The following GALNTL6 variants were observed in gnomAD, a reference collection of about 807,000 sequenced individuals.
GALNTL6 encodes the protein polypeptide N-acetylgalactosaminyltransferase like 6, also known as polypeptide N-acetylgalactosaminyltransferase-like 6.
In GALNTL6, 46 loss-of-function variants were observed where a neutral mutation model predicts 73.7. The ratio of observed to expected loss-of-function variants is 0.62; its 90% CI spans 0.49 to 0.80. The LOEUF (loss-of-function observed/expected upper bound fraction) is 0.80. Among genes scored for constraint, GALNTL6 ranks in the 30% least tolerant of loss-of-function variants. The pLI is 0.00. For synonymous variants in GALNTL6, 259 were observed against 263.7 expected, an observed-to-expected ratio of 0.98 and a Z score of 0.17; for missense variants, 604 against 755.0, an observed-to-expected ratio of 0.80 and a Z score of 2.34.
At position 172,900,042 on chromosome 4, in the gene GALNTL6, A is replaced by C. The variant is rs1746541052; in HGVS notation, c.1041+17135A>C. ...AGACTTCCCATATCATCCTGTGACT[A>C]AGAATGCCTTAACCTCCTAGGAATG... On this transcript the variant is annotated intron_variant, in intron 8 of 12. Coordinates refer to ENST00000506823, the MANE Select transcript of GALNTL6 (RefSeq NM_001034845.3). Among the ~76,000 whole-genome samples, 4 of 152,254 alleles carry C rather than the reference A, an allele frequency of 2.6e-5. No homozygotes were observed. The South Asian group carries it at 8.3e-4, about 32-fold the overall frequency.
chr4:172,513,680 C>T (rs935343318), intron 5 of GALNTL6, among the ~76,000 whole-genome samples: 2 of 152,168 alleles, frequency 1.3e-5, no homozygotes, highest in East Asian at 1.9e-4. Flanking sequence ...TGATATTTCT[C>T]TTCTGGGTCT....
rs1410506952 is a variant in GALNTL6 at position 172,473,177 on chromosome 4, C to T, written c.553+124488C>T. Among the ~76,000 whole-genome samples, 6 of 152,302 alleles carry T rather than the reference C, an allele frequency of 3.9e-5. No individual in the cohort carries two copies. In the South Asian group the frequency reaches 6.2e-4, roughly 16 times the overall value. On this transcript the variant is annotated intron_variant, in intron 5 of 12. Coordinates refer to ENST00000506823, the MANE Select transcript of GALNTL6 (RefSeq NM_001034845.3). ...TGTGCTACCATTGAAGGCCAATCTACGCACTATCCCAGGCCATCTTGCCTA... is the reference window on the plus strand; with the variant it reads ...TGTGCTACCATTGAAGGCCAATCTATGCACTATCCCAGGCCATCTTGCCTA...
At chr4:172,295,389 T>G (rs1326236884) in intron 3 of GALNTL6, among the ~76,000 whole-genome samples, 1 of 148,912 alleles carries the variant, frequency 6.7e-6, no homozygotes, top group African/African-American at 2.5e-5. Context: ...ACCACTGCAC[T>G]CGAGCCTGGG....
chr4:172,561,230 G>A (rs1000629113), intron 5 of GALNTL6, among the ~76,000 whole-genome samples: 13 of 139,914 alleles, frequency 9.3e-5, no homozygotes, highest in African/African-American at 2.4e-4. Flanking sequence ...TCCGCAGTCC[G>A]GCCTGGGCGA....
intron 5 of GALNTL6, among the ~76,000 whole-genome samples, chr4:172,399,558 G>A (rs72988249): frequency 0.042 from 6,423 of 151,880 alleles, 418 homozygotes; most frequent in African/African-American, 0.14. Context: ...TCATTTTCAG[G>A]CCCCCATACT....
At chr4:172,449,231 C>T (rs1482720807) in intron 5 of GALNTL6, among the ~76,000 whole-genome samples, 2 of 152,142 alleles carry the variant, frequency 1.3e-5, no homozygotes, top group East Asian at 1.9e-4. Context: ...CAACCAGTAC[C>T]TCTTACCTTC....
At chr4:172,217,893 A>G (rs950195635) in intron 2 of GALNTL6, among the ~76,000 whole-genome samples, 6 of 152,180 alleles carry the variant, frequency 3.9e-5, no homozygotes, top group Non-Finnish European at 8.8e-5. Context: ...TGTTTACTGT[A>G]GGTTTAGGTA....
chr4:172,733,604 C>T (rs1462603878), intron 5 of GALNTL6, among the ~76,000 whole-genome samples: 1 of 152,088 alleles, frequency 6.6e-6, no homozygotes, highest in Non-Finnish European at 1.5e-5. Context: ...CCATGCTGTT[C>T]TCATGATAGT....
intron 5 of GALNTL6, among the ~76,000 whole-genome samples, chr4:172,466,903 AT>A (rs201294205): frequency 0.038 from 5,751 of 152,124 alleles, 333 homozygotes; most frequent in African/African-American, 0.13. Flanking sequence ...ATCTTACGAG[AT>A]TTGCATTTAC....
intron 10 of GALNTL6, among the ~76,000 whole-genome samples, chr4:172,955,284 C>T (rs188051683): frequency 1.3e-3 from 201 of 152,054 alleles, no homozygotes; most frequent in Admixed American, 3.2e-3. Flanking sequence ...TCGAGACCAG[C>T]CTAGCCAACA....
At chr4:172,702,296 C>T (rs781716003) in intron 5 of GALNTL6, among the ~76,000 whole-genome samples, 22 of 152,050 alleles carry the variant, frequency 1.4e-4, no homozygotes, top group Non-Finnish European at 2.1e-4. Flanking sequence ...TCAGGATACT[C>T]AATATTTATG....
chr4:172,019,076 A>C (rs555038083), intron 2 of GALNTL6, among the ~76,000 whole-genome samples: 107 of 152,154 alleles, frequency 7.0e-4, no homozygotes, highest in Non-Finnish European at 1.4e-3. Context: ...GGGAACTCAC[A>C]GTTTTTCGCC....
intron 5 of GALNTL6, among the ~76,000 whole-genome samples, chr4:172,540,713 G>A (rs1350573345): frequency 1.3e-5 from 2 of 152,124 alleles, no homozygotes; most frequent in Non-Finnish European, 2.9e-5. Context: ...AGTCATAGGT[G>A]GGTTTTAAGG....
chr4:171,878,622 C>A (rs577609181), intron 2 of GALNTL6, among the ~76,000 whole-genome samples: 63 of 152,046 alleles, frequency 4.1e-4, no homozygotes, highest in African/African-American at 1.5e-3. Flanking sequence ...AATATAAAAG[C>A]ATTTTTTTAT....
intron 7 of GALNTL6, among the ~76,000 whole-genome samples, chr4:172,859,994 C>A (rs1248727624): frequency 2.0e-5 from 3 of 152,150 alleles, no homozygotes; most frequent in Non-Finnish European, 4.4e-5. Context: ...TTATACATTA[C>A]AATGTCATAA....
intron 3 of GALNTL6, among the ~76,000 whole-genome samples, chr4:172,252,247 T>G (rs1196900882): frequency 6.6e-6 from 1 of 152,160 alleles, no homozygotes; most frequent in Admixed American, 6.6e-5. Flanking sequence ...GCTAGTTAAA[T>G]TTTTGAGTTT....
intron 4 of GALNTL6, among the ~76,000 whole-genome samples, chr4:172,322,761 A>C (rs1740803843): frequency 6.6e-6 from 1 of 152,158 alleles, no homozygotes; most frequent in Non-Finnish European, 1.5e-5. Context: ...ACCTCCCACC[A>C]GGCCCCACCT....
At chr4:171,903,525 G>A (rs968119986) in intron 2 of GALNTL6, among the ~76,000 whole-genome samples, 4 of 151,294 alleles carry the variant, frequency 2.6e-5, no homozygotes, top group Admixed American at 6.6e-5. Context: ...TGCTAGCACA[G>A]CAGTCTGAGA....
chr4:172,927,848 T>G (rs1188957361), intron 8 of GALNTL6, among the ~76,000 whole-genome samples: 1 of 152,138 alleles, frequency 6.6e-6, no homozygotes, highest in African/African-American at 2.4e-5. Flanking sequence ...CCACTTCTGT[T>G]GTACTCTACT....
Sources: allele counts gnomAD v4.1 joint callset (sites outside exome capture counted in the v4.1 genomes callset), GRCh38; gene constraint gnomAD v4.1.1; transcripts MANE v1.5; gene names NCBI Gene and HGNC (gene_info 2026-07-23, HGNC 2026-07-21).